TARS3: variants seen among roughly 807,000 people sequenced by gnomAD.
TARS3 encodes the protein threonyl-tRNA synthetase 3, also known as threonine--tRNA ligase 2, cytoplasmic.
A neutral mutation model predicts 103.5 loss-of-function variants in TARS3; 94 were observed. The observed-to-expected ratio is 0.91, with a 90% CI of 0.77 to 1.08. The LOEUF is 1.08. Ranked by LOEUF, TARS3 falls within the 50% of genes least tolerant of loss-of-function variation. TARS3 has a pLI of 0.00. For missense variants in TARS3, 952 were observed against 995.2 expected (o/e 0.96, Z 0.58); for synonymous variants, 416 against 355.4 (o/e 1.17, Z -1.92).
rs756168691 is a variant in TARS3 at position 101,723,137 on chromosome 15, C to T, written c.325G>A (p.Asp109Asn). ...TCCTTCATTTTCTTCTTTTTCATGT[C>T]CTTGTCTTGGCTTTGACTAGGAGGA... ...QPPPSQSQDK[D>N]MKKKKMKESE... The change falls in exon 2 of 19, where the codon GAC becomes AAC. Residue 109 changes from aspartate (D) to asparagine (N), a missense_variant. Coordinates refer to ENST00000335968, the MANE Select transcript of TARS3 (RefSeq NM_152334.3). 2 of 1,614,042 alleles carry T rather than the reference C, an allele frequency of 1.2e-6. No individual in the cohort carries two copies. Among genetic ancestry groups the T allele is most frequent in the Non-Finnish European group, 1.7e-6 (2 of 1,179,996 alleles).
At chr15:101,700,728 C>CT (rs1430744987) in intron 10 of TARS3, among the ~76,000 whole-genome samples, 1 of 151,688 alleles carries the variant, frequency 6.6e-6, no homozygotes, top group Non-Finnish European at 1.5e-5. Context: ...ACTGCAAACT[C>CT]TGCCTCCCGG....
At chr15:101,680,002 C>T (rs1898194778) in intron 12 of TARS3, among the ~76,000 whole-genome samples, 1 of 152,160 alleles carries the variant, frequency 6.6e-6, no homozygotes, top group South Asian at 2.1e-4. Flanking sequence ...TCTGACACTA[C>T]TCAAGCAGGA....
chr15:101,708,879 C>G lies in TARS3; in HGVS notation c.844G>C (p.Glu282Gln). The change falls in exon 6 of 19, where the codon GAG (glutamate) becomes CAG (glutamine). Residue 282 changes from glutamate (E) to glutamine (Q), a missense_variant. Physicochemically the swap from Glu to Gln is conservative, Grantham distance 29. Coordinates refer to ENST00000335968, the MANE Select transcript of TARS3 (RefSeq NM_152334.3). Reference protein sequence around the residue: ...AVSSTELSALENICKAIIKEK... With the variant: ...AVSSTELSALQNICKAIIKEK... ...TTTATGATGGCTTTACATATATTCT[C>G]CAGGGCTGACAATTCTGTGCTGGAC... 1 of 1,609,306 alleles carries G rather than the reference C, an allele frequency of 6.2e-7. No homozygotes were observed. The highest frequency in any genetic ancestry group is 8.5e-7 in the Non-Finnish European group (1 of 1,178,380).
chr15:101,696,816 C>T (rs1899003576), intron 10 of TARS3, among the ~76,000 whole-genome samples: 1 of 152,160 alleles, frequency 6.6e-6, no homozygotes, highest in African/African-American at 2.4e-5. Context: ...ACTTGTTCCA[C>T]CACTGATTTA....
chr15:101,687,797 G>A (rs1049832232), intron 10 of TARS3, among the ~76,000 whole-genome samples: 1 of 152,102 alleles, frequency 6.6e-6, no homozygotes, highest in Non-Finnish European at 1.5e-5. Context: ...CATAAGGGTA[G>A]AGCCCTCATG....
rs1897319447 is a variant in TARS3 at position 101,660,046 on chromosome 15, AG to A, written c.2072+1665del. 3.3e-5 allele frequency among the ~76,000 whole-genome samples: 5 copies of A among 152,330 alleles called. No individual in the cohort carries two copies. In the Middle Eastern group the frequency reaches 0.017, roughly 522 times the overall value. On this transcript the variant is annotated intron_variant, in intron 16 of 18. Coordinates refer to ENST00000335968, the MANE Select transcript of TARS3 (RefSeq NM_152334.3). ...ACTCTGACTTAAGACAGAGTGGAGAAGGAGGCACCACATGGAATCCATTATG... is the reference window on the plus strand; with the variant it reads ...ACTCTGACTTAAGACAGAGTGGAGAAGAGGCACCACATGGAATCCATTATG...
At chr15:101,689,883 T>C (rs543089809) in intron 10 of TARS3, among the ~76,000 whole-genome samples, 1 of 152,214 alleles carries the variant, frequency 6.6e-6, no homozygotes, top group Non-Finnish European at 1.5e-5. Flanking sequence ...ATAAGGCGAA[T>C]GTGGAATGAG....
At chr15:101,667,875 T>C (rs1897643980) in intron 15 of TARS3, among the ~76,000 whole-genome samples, 1 of 152,248 alleles carries the variant, frequency 6.6e-6, no homozygotes, top group South Asian at 2.1e-4. Context: ...ATTACAGGCA[T>C]GAGCCACTGC....
At position 101,675,684 on chromosome 15, in the gene TARS3, T is replaced by C. The variant is rs1173625477; in HGVS notation, c.1704A>G (p.Thr568=). The part of the protein sequence containing the change: ...CLQFLQSVYS[T]FGFSFQLNLS... ...GGTTTAATTGAAAGGAGAAGCCAAA[T>C]GTTGAGTAAACAGATTGCAAAAACT... Residue 568 remains threonine, a synonymous_variant, in exon 13 of 19, where the codon ACA becomes ACG. Transcript: ENST00000335968. The C allele has an allele frequency of 1.9e-6, 3 of 1,613,984 alleles. No homozygotes were observed. The East Asian group carries it at 6.7e-5, about 36-fold the overall frequency.
Position 101,667,287 on chromosome 15 carries a change from G to A in TARS3, c.1967+4199C>T, listed in dbSNP as rs373851849. Among the ~76,000 whole-genome samples the A allele has an allele frequency of 2.3e-4, 35 of 152,242 alleles. No individual in the cohort carries two copies. The South Asian group carries it at 6.6e-3, about 29-fold the overall frequency. ...GTAAGGGTTCTAAGATTTTCTGAAT[G>A]GTAAATGAGCACTGGCTTCAACTTA... On this transcript the variant is annotated intron_variant, in intron 15 of 18. Transcript: ENST00000335968.
chr15:101,665,197 G>A (rs765704857), intron 15 of TARS3, among the ~76,000 whole-genome samples: 16 of 152,112 alleles, frequency 1.1e-4, no homozygotes, highest in Non-Finnish European at 1.6e-4. Context: ...ACAATACAAC[G>A]TTTGCAAACC....
intron 3 of TARS3, among the ~76,000 whole-genome samples, chr15:101,720,394 C>G (rs1269695390): frequency 6.6e-6 from 1 of 152,104 alleles, no homozygotes; most frequent in Non-Finnish European, 1.5e-5. Context: ...AGTCAAAGCA[C>G]TTTTCCAAGA....
intron 15 of TARS3, among the ~76,000 whole-genome samples, chr15:101,670,975 G>C (rs1567327359): frequency 1.3e-5 from 2 of 152,086 alleles, no homozygotes; most frequent in Non-Finnish European, 1.5e-5. Context: ...CGGCAGCCAG[G>C]GGTTAGGAGT....
intron 18 of TARS3, among the ~76,000 whole-genome samples, chr15:101,655,620 G>C (rs372111510): frequency 1.4e-4 from 17 of 118,578 alleles, no homozygotes; most frequent in African/African-American, 3.1e-4. Flanking sequence ...CAGGCTCACA[G>C]TGACTCCACC....
At chr15:101,713,203 G>A (rs1301050175) in intron 4 of TARS3, among the ~76,000 whole-genome samples, 1 of 152,184 alleles carries the variant, frequency 6.6e-6, no homozygotes, top group East Asian at 1.9e-4. Context: ...GATGAACAGG[G>A]CTCTGTAATA....
At chr15:101,714,374 G>C (rs1900023064) in intron 4 of TARS3, among the ~76,000 whole-genome samples, 1 of 151,934 alleles carries the variant, frequency 6.6e-6, no homozygotes, top group Admixed American at 6.6e-5. Context: ...GAGGCTGAGG[G>C]AGGCATACTG....
rs1209091638 is a variant in TARS3, at chr15:101,656,905, A to G, written c.2260+17T>C. ...GAAAAAAAAGCATTTGGAAAAATATATACAAACTTAAATTACCCAAAATAA... is the reference window on the plus strand; with the variant it reads ...GAAAAAAAAGCATTTGGAAAAATATGTACAAACTTAAATTACCCAAAATAA... On this transcript the variant is annotated intron_variant, in intron 18 of 18. Transcript: ENST00000335968. 1 of 1,527,208 alleles carries G rather than the reference A, an allele frequency of 6.5e-7. No homozygotes were observed. The highest frequency in any genetic ancestry group is 2.3e-5 in the East Asian group (1 of 44,332). The allele number at this position is 1,527,208 out of a possible 1,614,324, so 94.6% of individuals were successfully genotyped here.
intron 9 of TARS3, among the ~76,000 whole-genome samples, chr15:101,701,774 A>T (rs1899293360): frequency 6.6e-6 from 1 of 152,128 alleles, no homozygotes; most frequent in Admixed American, 6.6e-5. Flanking sequence ...AGAATGTAAA[A>T]AACAACTCTT....
chr15:101,703,155 GT>G (rs1445983698), intron 8 of TARS3, among the ~76,000 whole-genome samples: 2 of 152,150 alleles, frequency 1.3e-5, no homozygotes, highest in African/African-American at 2.4e-5. Context: ...CCAGAGCGAT[GT>G]TTTCTCCATT....
Sources: gnomAD v4.1 joint callset for allele counts (sites outside exome capture counted in the v4.1 genomes callset) on GRCh38, gnomAD v4.1.1 for gene constraint, MANE v1.5 for transcripts, NCBI Gene and HGNC (gene_info 2026-07-23, HGNC 2026-07-21) for gene names.